CDH11: variants seen among roughly 807,000 people sequenced by gnomAD.
CDH11 encodes the protein cadherin-11.
CDH11 carries 11 observed loss-of-function variants against 67.8 expected under a neutral mutation model. The observed-to-expected ratio is 0.16, with a 90% CI of 0.10 to 0.27. The LOEUF (loss-of-function observed/expected upper bound fraction) is 0.27. Ranked by LOEUF, CDH11 falls within the 10% of genes least tolerant of loss-of-function variation. The probability of loss-of-function intolerance (pLI) is 1.00; values close to 1 mark genes in which losing one functional copy is unlikely to be tolerated. For missense variants in CDH11, 847 were observed against 1,031.2 expected (o/e 0.82, Z 2.45); for synonymous variants, 419 against 400.0 (o/e 1.05, Z -0.57).
At position 65,008,374 on chromosome 16, in the gene CDH11, T is replaced by C. The variant is rs550621949; in HGVS notation, c.-172-3333A>G. On this transcript the variant is annotated intron_variant, in intron 2 of 12. Transcript: ENST00000268603. ...ACCATTTTAAATGCTTATATGACTA[T>C]ATGTGATACAGAAAGTTATTTTAAT... Among the ~76,000 whole-genome samples the C allele has an allele frequency of 3.0e-3, 455 of 152,332 alleles. 1 individual carries two copies. Among genetic ancestry groups the C allele is most frequent in the African/African-American group, 0.01 (432 of 41,582 alleles).
rs746339300 is a variant in CDH11 at position 64,947,923 on chromosome 16, T to C, written c.2071A>G (p.Ile691Val). The change falls in exon 13 of 13, where the codon ATC becomes GTC. Residue 691 changes from isoleucine to valine, a missense_variant. By Grantham distance (29) the Ile-to-Val change is conservative. Coordinates refer to ENST00000268603, the MANE Select transcript of CDH11 (RefSeq NM_001797.4). ...LQNPDGINGF[I>V]PRKDIKPEYQ... The stretch of plus-strand genomic sequence containing the variant: ...TCAGGTTTGATGTCTTTGCGGGGGA[T>C]AAATCCATTGATACCATCAGGATTC... The C allele has an allele frequency of 4.0e-5, 65 of 1,614,052 alleles. No homozygotes were observed. The highest frequency in any genetic ancestry group is 5.5e-5 in the Non-Finnish European group (65 of 1,180,024).
Position 64,945,303 on chromosome 16 carries a change from A to T in CDH11, c.*2300T>A, listed in dbSNP as rs1297516331. The T allele has an allele frequency of 6.0e-4, 21 of 34,760 alleles. No individual in the cohort carries two copies. Among genetic ancestry groups the T allele is most frequent in the East Asian group, 4.2e-3 (1 of 238 alleles). 2.2% of individuals were successfully genotyped at this position (34,760 alleles called of 1,614,324 possible). A position where few individuals can be genotyped will look rare whatever the true frequency, so the allele number is the denominator to read the frequency against. On this transcript the variant is annotated 3_prime_UTR_variant, in exon 13 of 13. Coordinates refer to ENST00000268603, the MANE Select transcript of CDH11 (RefSeq NM_001797.4). ...AGGCTTAACGAAAAAATAAAAGGTA[A>T]AAAAAAAAAAAAAAAAGAAAAAGAA...
In CDH11 at chr16:64,998,694, C is replaced by T. The variant is rs1216885910; in HGVS notation, c.391G>A (p.Val131Met). The T allele has an allele frequency of 3.1e-6, 5 of 1,614,018 alleles. No individual in the cohort carries two copies. The East Asian group carries it at 6.7e-5, about 22-fold the overall frequency. The part of the protein sequence containing the change: ...RAQYTLMAQA[V>M]DRDTNRPLEP... ...AGTGGCCGATTGGTGTCCCTGTCCA[C>T]CGCCTGAGCCATCAACGTGTACTGG... The change falls in exon 4 of 13, where the codon GTG becomes ATG. Residue 131 changes from valine (V) to methionine (M), a missense_variant. Val to Met is a conservative substitution (Grantham distance 21, BLOSUM62 1). Coordinates refer to ENST00000268603, the MANE Select transcript of CDH11 (RefSeq NM_001797.4).
At chr16:65,045,358 T>TATATATATATATATAG (rs2073942357) in intron 2 of CDH11, among the ~76,000 whole-genome samples, 1 of 107,774 alleles carries the variant, frequency 9.3e-6, no homozygotes, top group Non-Finnish European at 1.9e-5. Context: ...TATATATATA[T>TATATATATATATATAG]ATATATATAT....
At position 64,972,919 on chromosome 16, in the gene CDH11, A is replaced by C; in HGVS notation, c.1375T>G (p.Phe459Val). The C allele has an allele frequency of 6.2e-7, 1 of 1,613,976 alleles. No individual in the cohort carries two copies. Among genetic ancestry groups the C allele is most frequent in the South Asian group, 1.1e-5 (1 of 91,084 alleles). The change falls in exon 9 of 13, where the codon TTT (phenylalanine) becomes GTT (valine). Residue 459 changes from phenylalanine to valine, a missense_variant. This residue lies in a region of CDH11 where 612 missense variants were observed against 678.7 expected (regional missense o/e 0.90). Transcript: ENST00000268603. ...EETAWLNITV[F>V]AAEIHNRHQE... ...GAATACTTACGGATTTCTGCTGCAAAGACAGTGATGTTGAGCCAGGCTGTT... is the reference window on the plus strand; with the variant it reads ...GAATACTTACGGATTTCTGCTGCAACGACAGTGATGTTGAGCCAGGCTGTT...
At chr16:65,055,792 A>G (rs149707241) in intron 1 of CDH11, among the ~76,000 whole-genome samples, 2 of 152,336 alleles carry the variant, frequency 1.3e-5, no homozygotes, top group East Asian at 3.9e-4. Flanking sequence ...CAGCAGTAGA[A>G]TGTTATGGGC....
Position 65,070,854 on chromosome 16 carries a change from G to A in CDH11, c.-297-16926C>T, listed in dbSNP as rs2074403101. ...TTTATAAACACAATTTGTTCAGGGA[G>A]AGTATTTTTCAAAATGCAAGGCAAA... On this transcript the variant is annotated intron_variant, in intron 1 of 12. Transcript: ENST00000268603. Among the ~76,000 whole-genome samples the A allele has an allele frequency of 1.3e-5, 2 of 152,212 alleles. 1 individual carries two copies. The highest frequency in any genetic ancestry group is 2.9e-5 in the Non-Finnish European group (2 of 68,042).
intron 2 of CDH11, among the ~76,000 whole-genome samples, chr16:65,046,089 TGTAAC>T (rs1481499892): frequency 6.6e-6 from 1 of 152,154 alleles, no homozygotes; most frequent in Non-Finnish European, 1.5e-5. Flanking sequence ...TCCCTTTCCA[TGTAAC>T]GCAGGGAGGA....
In CDH11 at chr16:65,049,177, C is replaced by T. The variant is rs79403805; in HGVS notation, c.-173+4627G>A. ...CACATACAATAAGCATGTACATGTA[C>T]CCCCTGAATCTATTATTAAAAAATA... On this transcript the variant is annotated intron_variant, in intron 2 of 12. Transcript: ENST00000268603. Among the ~76,000 whole-genome samples, 460 of 152,190 alleles carry T rather than the reference C, an allele frequency of 3.0e-3. 3 individuals carry two copies. Among genetic ancestry groups the T allele is most frequent in the African/African-American group, 0.01 (433 of 41,488 alleles).
chr16:65,054,878 T>C (rs1166460340), intron 1 of CDH11, among the ~76,000 whole-genome samples: 1 of 152,210 alleles, frequency 6.6e-6, no homozygotes, highest in Non-Finnish European at 1.5e-5. Context: ...CCTTGTTTGA[T>C]ATTGCTTCCA....
chr16:65,033,091 G>T (rs1248956550), intron 2 of CDH11, among the ~76,000 whole-genome samples: 4 of 152,140 alleles, frequency 2.6e-5, no homozygotes, highest in Admixed American at 1.3e-4. Flanking sequence ...TAAAGGAAAC[G>T]TCTGCCCATT....
intron 2 of CDH11, chr16:65,007,090 A>G (rs964720497): frequency 2.6e-5 from 4 of 152,246 alleles, no homozygotes; most frequent in African/African-American, 7.2e-5. Flanking sequence ...TTGGGATACC[A>G]TAGCCATCTG....
At chr16:65,019,741 A>G (rs2142573194) in intron 2 of CDH11, among the ~76,000 whole-genome samples, 1 of 152,244 alleles carries the variant, frequency 6.6e-6, no homozygotes, top group South Asian at 2.1e-4. Flanking sequence ...TTTAATTTAT[A>G]GAAATATTGA....
chr16:64,971,203 A>G (rs1319700410), intron 11 of CDH11, among the ~76,000 whole-genome samples: 1 of 152,242 alleles, frequency 6.6e-6, no homozygotes, highest in African/African-American at 2.4e-5. Flanking sequence ...ATTGCCTTAC[A>G]AAGTTGAACT....
intron 2 of CDH11, among the ~76,000 whole-genome samples, chr16:65,027,391 T>C (rs1363402533): frequency 6.6e-6 from 1 of 152,188 alleles, no homozygotes; most frequent in Non-Finnish European, 1.5e-5. Flanking sequence ...GCCTTTGCGC[T>C]CAGGGATCTT....
chr16:65,020,551 G>C (rs765917649), intron 2 of CDH11, among the ~76,000 whole-genome samples: 1 of 152,102 alleles, frequency 6.6e-6, no homozygotes, highest in African/African-American at 2.4e-5. Flanking sequence ...GGCTGGTCTT[G>C]AACTCCCGAC....
chr16:65,102,453 T>A (rs1334823126), intron 1 of CDH11, among the ~76,000 whole-genome samples: 1 of 152,242 alleles, frequency 6.6e-6, no homozygotes, highest in East Asian at 1.9e-4. Context: ...ACTCTTACTT[T>A]GGAGAATCCC....
intron 3 of CDH11, among the ~76,000 whole-genome samples, chr16:65,000,051 A>T (rs1369110031): frequency 6.6e-6 from 1 of 152,168 alleles, no homozygotes; most frequent in Non-Finnish European, 1.5e-5. Flanking sequence ...GCATGGGTTG[A>T]TATGTATACA....
At chr16:64,995,447 C>T (rs747816563) in intron 4 of CDH11, among the ~76,000 whole-genome samples, 5 of 152,150 alleles carry the variant, frequency 3.3e-5, no homozygotes, top group Non-Finnish European at 5.9e-5. Context: ...CACACACCTA[C>T]AGCCATCTGA....
Sources: gnomAD v4.1 joint callset for allele counts (sites outside exome capture counted in the v4.1 genomes callset) on GRCh38, gnomAD v4.1.1 for gene constraint, gnomAD v4.1.1 regional missense constraint, MANE v1.5 for transcripts, NCBI Gene and HGNC (gene_info 2026-07-23, HGNC 2026-07-21) for gene names.